The following HDAC7 variants were observed in gnomAD, a reference collection of about 807,000 sequenced individuals.
HDAC7 encodes histone deacetylase 7, also known as histone deacetylase 7A.
A neutral mutation model predicts 115.5 loss-of-function variants in HDAC7; 26 were observed. The observed-to-expected ratio is 0.23, with a 90% CI of 0.16 to 0.31. The LOEUF (loss-of-function observed/expected upper bound fraction) is 0.31, where lower values mean the gene tolerates loss of function less well. Ranked by LOEUF, HDAC7 falls within the 10% of genes least tolerant of loss-of-function variation. The pLI, the probability that HDAC7 is intolerant of heterozygous loss-of-function variation, is 1.00. For synonymous variants in HDAC7, 564 were observed against 550.9 expected (o/e 1.02, Z -0.33); for missense variants, 1,068 against 1,329.0 (o/e 0.80, Z 3.05).
At position 47,795,705 on chromosome 12, in the gene HDAC7, G is replaced by A. The variant is rs1433930252; in HGVS notation, c.969C>T (p.Pro323=). The change falls in exon 10 of 26, where the codon CCC becomes CCT. Residue 323 remains proline, a synonymous_variant. Transcript: ENST00000080059. This position sits in a 1 kb window ranked among gnomAD's most constrained non-coding sequence, Gnocchi z 4.3. ...LGPRGPILGS[P]HTPLFLPHGL... ...CATGGGGCAGGAAGAGGGGAGTGTG[G>A]GGGCTCCCCAGGATTGGCCCCCGAG... The A allele has an allele frequency of 6.5e-7, 1 of 1,550,074 alleles. No individual in the cohort carries two copies. Among genetic ancestry groups the A allele is most frequent in the South Asian group, 1.2e-5 (1 of 83,832 alleles).
At position 47,797,895 on chromosome 12, in the gene HDAC7, T is replaced by TGTGTGTGTGTGTGA. The variant is rs35753431; in HGVS notation, c.461+212_461+213insTCACACACACACAC. Among the ~76,000 whole-genome samples, 1,684 of 143,320 alleles carry TGTGTGTGTGTGTGA rather than the reference T, an allele frequency of 0.012. 28 individuals carry two copies. Among genetic ancestry groups the TGTGTGTGTGTGTGA allele is most frequent in the African/African-American group, 0.027 (970 of 36,436 alleles). The allele number at this position is 143,320 out of a possible 152,430, so 94.0% of individuals were successfully genotyped here. A position where few individuals can be genotyped will look rare whatever the true frequency, so the allele number is the denominator to read the frequency against. On this transcript the variant is annotated intron_variant, in intron 5 of 25. Transcript: ENST00000080059. The surrounding 1 kb of genome is among the most constrained non-coding windows in gnomAD (Gnocchi z 5.5). ...GTGTGTGTGTGTGTGTGTGTGTGTG[T>TGTGTGTGTGTGTGA]GAGAAGGGCTCAGGTGGGGTGGGGA... is the stretch of plus-strand genomic sequence containing the variant.
Position 47,790,118 on chromosome 12 carries a change from A to G in HDAC7, c.1984-198T>C, listed in dbSNP as rs1447573252. 4 of 589,992 alleles carry G rather than the reference A, an allele frequency of 6.8e-6. No homozygotes were observed. The East Asian group carries it at 1.1e-4, about 17-fold the overall frequency. The allele number at this position is 589,992 out of a possible 1,614,324, so 36.5% of individuals were successfully genotyped here. A position where few individuals can be genotyped will look rare whatever the true frequency, so the allele number is the denominator to read the frequency against. On this transcript the variant is annotated intron_variant, in intron 16 of 25. Coordinates refer to ENST00000080059, the MANE Select transcript of HDAC7 (RefSeq NM_015401.5). ...CCCAGCATGACTTTTTCCCAGCTTA[A>G]GTCCCAGCACCAGCCCATTATCTGG...
At chr12:47,787,834 CATG>C (rs1296073314) in intron 20 of HDAC7, 25 bp from the exon 21 acceptor site, 1 of 1,599,556 alleles carries the variant, frequency 6.3e-7, no homozygotes, top group Admixed American at 1.7e-5. Flanking sequence ...GCAAGAGAGA[CATG>C]AGGACAGCAG....
intron 1 of HDAC7, among the ~76,000 whole-genome samples, chr12:47,804,232 C>T (rs900608121): frequency 6.6e-5 from 10 of 152,182 alleles, no homozygotes; most frequent in East Asian, 1.9e-4. Context: ...GTGTTGGCAA[C>T]GGGGCTGCTT....
At position 47,783,576 on chromosome 12, in the gene HDAC7, A is replaced by G; in HGVS notation, c.*265T>C. ...GGAATGGGGGCCACAGCCAGGGCCC[A>G]TACTGGAGGGGAGAATCTGTTCTCG... On this transcript the variant is annotated 3_prime_UTR_variant, in exon 26 of 26. Transcript: ENST00000080059. 1 of 516,118 alleles carries G rather than the reference A, an allele frequency of 1.9e-6. No homozygotes were observed. The highest frequency in any genetic ancestry group is 3.5e-6 in the Non-Finnish European group (1 of 284,320). 32.0% of individuals were successfully genotyped at this position (516,118 alleles called of 1,614,324 possible).
intron 1 of HDAC7, among the ~76,000 whole-genome samples, chr12:47,807,657 G>T (rs1029293312): frequency 1.3e-5 from 2 of 152,068 alleles, no homozygotes; most frequent in African/African-American, 2.4e-5. Flanking sequence ...AAATCACACA[G>T]CCCCACAGAG....
At position 47,793,534 on chromosome 12, in the gene HDAC7, C is replaced by T. The variant is rs779938712; in HGVS notation, c.1513G>A (p.Gly505Arg). 1.8e-5 allele frequency: 28 copies of T among 1,547,616 alleles called. No homozygotes were observed. The highest frequency in any genetic ancestry group is 1.6e-4 in the Admixed American group (8 of 50,958). The part of the protein sequence containing the change: ...LAGRLPRGST[G>R]DTVLLPLAQG... ...GCCAGAGGAAGCAGCACAGTGTCCC[C>T]GGTGCTGCCCCGGGGGAGCCGCCCA... The change falls in exon 13 of 26, where the codon GGG becomes AGG. Residue 505 changes from glycine to arginine, a missense_variant. Coordinates refer to ENST00000080059, the MANE Select transcript of HDAC7 (RefSeq NM_015401.5). The surrounding 1 kb of genome is among the most constrained non-coding windows in gnomAD (Gnocchi z 4.5).
Position 47,797,071 on chromosome 12 carries a change from G to A in HDAC7, c.649C>T (p.Arg217Ter), listed in dbSNP as rs1943892588. The change falls in exon 7 of 26, where the codon CGA (arginine) becomes TGA (stop). Residue 217 changes from arginine (R) to a stop codon, truncating the protein, a stop_gained. Coordinates refer to ENST00000080059, the MANE Select transcript of HDAC7 (RefSeq NM_015401.5). LOFTEE classifies it high-confidence loss of function. The surrounding 1 kb of genome is among the most constrained non-coding windows in gnomAD (Gnocchi z 5.5). ...AGGCTGGGGGGCGCACTCTCCTTTC[G>A]GAGCAGTGGATTCTTCCTCCGCTCC... ...SLERRKNPLLRKESAPPSLRR... is the reference protein window; with the variant it reads ...SLERRKNPLL 6.2e-7 allele frequency: 1 copy of A among 1,606,832 alleles called. No homozygotes were observed. The highest frequency in any genetic ancestry group is 8.5e-7 in the Non-Finnish European group (1 of 1,176,846).
At chr12:47,783,962 C>G in intron 25 of HDAC7, 76 bp from the exon 26 acceptor site, 1 of 1,605,322 alleles carries the variant, frequency 6.2e-7, no homozygotes, top group South Asian at 1.1e-5. Context: ...TCCTCTCAAC[C>G]CTGGTCAGGA....
At position 47,792,400 on chromosome 12, in the gene HDAC7, C is replaced by G. The variant is rs533120996; in HGVS notation, c.1679-396G>C. 368 of 352,892 alleles carry G rather than the reference C, an allele frequency of 1.0e-3. 1 individual carries two copies. The highest frequency in any genetic ancestry group is 7.4e-3 in the African/African-American group (350 of 47,422). The allele number at this position is 352,892 out of a possible 1,614,324, so 21.9% of individuals were successfully genotyped here. A position where few individuals can be genotyped will look rare whatever the true frequency, so the allele number is the denominator to read the frequency against. ...GCATCTCACACACGTGTCATGAACC[C>G]AGAGAGGCTACCAAGGGGCAGCAGG... On this transcript the variant is annotated intron_variant, in intron 13 of 25. Transcript: ENST00000080059.
At chr12:47,812,533 AT>A (rs1944710941) in intron 1 of HDAC7, among the ~76,000 whole-genome samples, 2 of 152,178 alleles carry the variant, frequency 1.3e-5, no homozygotes, top group South Asian at 4.1e-4. Flanking sequence ...TTATTTTCAC[AT>A]TACAGATGAA....
At chr12:47,807,129 G>A (rs866450102) in intron 1 of HDAC7, among the ~76,000 whole-genome samples, 13 of 152,012 alleles carry the variant, frequency 8.6e-5, no homozygotes, top group Admixed American at 5.9e-4. Context: ...TAGTAGAGAC[G>A]GTGTTTTGCC....
chr12:47,796,945 G>A, intron 7 of HDAC7, 72 bp downstream of exon 7: 1 of 1,471,174 alleles, frequency 6.8e-7, no homozygotes, highest in Admixed American at 2.4e-5. Flanking sequence ...CTGTCTAGGT[G>A]GGGCCTGACC....
intron 1 of HDAC7, among the ~76,000 whole-genome samples, chr12:47,810,059 G>C (rs541847746): frequency 6.6e-6 from 1 of 152,192 alleles, no homozygotes; most frequent in Admixed American, 6.5e-5. Flanking sequence ...TGATTCTCCT[G>C]CCTCAGCCTC....
rs1235236061 is a variant in HDAC7, at chr12:47,796,317, G to T, written c.704-19C>A. 1 of 1,576,660 alleles carries T rather than the reference G, an allele frequency of 6.3e-7. No individual in the cohort carries two copies. Among genetic ancestry groups the T allele is most frequent in the East Asian group, 2.3e-5 (1 of 44,106 alleles). ...GAGGAGTCTGAGGGTTGGGGAGAGA[G>T]GGAAGTGCAGTCAGAGGCCAGGGTG... On this transcript the variant is annotated intron_variant, in intron 7 of 25. Transcript: ENST00000080059.
chr12:47,795,783 G>A lies in HDAC7; in HGVS notation c.907-16C>T. The A allele has an allele frequency of 1.3e-6, 2 of 1,520,696 alleles. No homozygotes were observed. The highest frequency in any genetic ancestry group is 1.4e-5 in the African/African-American group (1 of 72,460). 94.2% of individuals were successfully genotyped at this position (1,520,696 alleles called of 1,614,324 possible). On this transcript the variant is annotated splice_polypyrimidine_tract_variant and intron_variant, in intron 9 of 25. Transcript: ENST00000080059. This position sits in a 1 kb window ranked among gnomAD's most constrained non-coding sequence, Gnocchi z 4.3. Reference sequence around the variant, plus strand: ...CACTGTCAGCCTGGGGGAGAGGCGGGAGAAGTCACGGGGAAGAAGATTCCA... The same window carrying A: ...CACTGTCAGCCTGGGGGAGAGGCGGAAGAAGTCACGGGGAAGAAGATTCCA...
chr12:47,792,161 C>T, intron 13 of HDAC7, 157 bp from the exon 14 acceptor site: 1 of 803,032 alleles, frequency 1.2e-6, no homozygotes, highest in Non-Finnish European at 1.9e-6. Flanking sequence ...TCATCCTGCC[C>T]CTACCCCAGC....
chr12:47,801,980 G>C (rs1168567764), intron 2 of HDAC7, among the ~76,000 whole-genome samples: 3 of 152,084 alleles, frequency 2.0e-5, no homozygotes, highest in African/African-American at 7.2e-5. Flanking sequence ...TCCCAGCAAG[G>C]ACAAGACGGG....
chr12:47,797,522 G>A lies in HDAC7; in HGVS notation c.462-23C>T, dbSNP rs1280902628. 4 of 1,567,930 alleles carry A rather than the reference G, an allele frequency of 2.6e-6. No individual in the cohort carries two copies. Among genetic ancestry groups the A allele is most frequent in the Non-Finnish European group, 3.5e-6 (4 of 1,146,100 alleles). ...GTTCTACAGAACGAGTGCCAAGGCTGCTTCAGAGGTGTGGGGACACTGCAC... is the reference window on the plus strand; with the variant it reads ...GTTCTACAGAACGAGTGCCAAGGCTACTTCAGAGGTGTGGGGACACTGCAC... On this transcript the variant is annotated intron_variant, in intron 5 of 25. Coordinates refer to ENST00000080059, the MANE Select transcript of HDAC7 (RefSeq NM_015401.5). The surrounding 1 kb of genome is among the most constrained non-coding windows in gnomAD (Gnocchi z 5.5).
Sources: allele counts gnomAD v4.1 joint callset (sites outside exome capture counted in the v4.1 genomes callset), GRCh38; gene constraint gnomAD v4.1.1; non-coding constraint Gnocchi (gnomAD v3.1); transcripts MANE v1.5; gene names NCBI Gene and HGNC (gene_info 2026-07-23, HGNC 2026-07-21).